The following TNIP3 variants were observed in gnomAD, a reference collection of about 807,000 sequenced individuals.
TNIP3 encodes the protein TNFAIP3-interacting protein 3.
A neutral mutation model predicts 54.1 loss-of-function variants in TNIP3; 34 were observed. The ratio of observed to expected loss-of-function variants is 0.63; its 90% CI spans 0.48 to 0.84. The LOEUF is 0.84. Ranked by LOEUF, TNIP3 falls within the 40% of genes least tolerant of loss-of-function variation. The probability of loss-of-function intolerance (pLI) is 0.00; values close to 1 mark genes in which losing one functional copy is unlikely to be tolerated. For synonymous variants in TNIP3, 134 were observed against 136.8 expected, an observed-to-expected ratio of 0.98 and a Z score of 0.14; for missense variants, 366 against 387.6, an observed-to-expected ratio of 0.94 and a Z score of 0.47.
chr4:121,194,204 T>A (rs1009729792), intron 2 of TNIP3, among the ~76,000 whole-genome samples: 8 of 152,120 alleles, frequency 5.3e-5, no homozygotes, highest in Non-Finnish European at 1.2e-4. Context: ...CTTTTTAAAA[T>A]TTTTTTCTTT....
intron 2 of TNIP3, among the ~76,000 whole-genome samples, chr4:121,191,991 C>A (rs2148833292): frequency 6.6e-6 from 1 of 152,144 alleles, no homozygotes; most frequent in South Asian, 2.1e-4. Context: ...TATTTAAGAG[C>A]TGTCTAAAAA....
chr4:121,187,997 A>T (rs1251056195), intron 2 of TNIP3, among the ~76,000 whole-genome samples: 3 of 152,170 alleles, frequency 2.0e-5, no homozygotes, highest in Non-Finnish European at 4.4e-5. Flanking sequence ...TCTTTGAACC[A>T]AATACTATTA....
chr4:121,161,781 G>T (rs1730469143), intron 1 of TNIP3, among the ~76,000 whole-genome samples: 1 of 152,064 alleles, frequency 6.6e-6, no homozygotes, highest in South Asian at 2.1e-4. Context: ...AAGTCACTAG[G>T]TTACTAGTTT....
chr4:121,200,391 T>A (rs1725817969), intron 2 of TNIP3, among the ~76,000 whole-genome samples: 1 of 152,158 alleles, frequency 6.6e-6, no homozygotes, highest in Admixed American at 6.6e-5. Context: ...TTAGACACAA[T>A]GTCTCAAAAC....
At chr4:121,208,878 A>G (rs574187075) in intron 2 of TNIP3, among the ~76,000 whole-genome samples, 3 of 152,256 alleles carry the variant, frequency 2.0e-5, no homozygotes, top group Middle Eastern at 3.4e-3. Flanking sequence ...ATCCATGGAG[A>G]GCTTCAGGGT....
chr4:121,160,917 C>T (rs186393554), intron 2 of TNIP3, among the ~76,000 whole-genome samples: 15 of 152,156 alleles, frequency 9.9e-5, no homozygotes, highest in Middle Eastern at 6.8e-3. Context: ...ATGACTTTGT[C>T]GTTTTTCATT....
At chr4:121,218,881 G>A (rs937431834), upstream of TNIP3, among the ~76,000 whole-genome samples, 2 of 152,058 alleles carry the variant, frequency 1.3e-5, no homozygotes, top group East Asian at 1.9e-4. Context: ...TAAAATTTCT[G>A]AGAACCAAAA....
chr4:121,195,500 G>T (rs938766216), intron 2 of TNIP3, among the ~76,000 whole-genome samples: 5 of 152,108 alleles, frequency 3.3e-5, no homozygotes, highest in African/African-American at 7.2e-5. Flanking sequence ...CAGGTGAAAT[G>T]TCAAAAACAT....
intron 2 of TNIP3, among the ~76,000 whole-genome samples, chr4:121,195,531 T>C (rs137878574): frequency 3.3e-5 from 5 of 152,356 alleles, no homozygotes; most frequent in South Asian, 2.1e-4. Context: ...TTGTTTATTA[T>C]AACATGTCAA....
At chr4:121,181,556 A>G (rs1464129662) in intron 3 of TNIP3, among the ~76,000 whole-genome samples, 1 of 152,188 alleles carries the variant, frequency 6.6e-6, no homozygotes. Flanking sequence ...TGTTCATGAC[A>G]TGAATGAAAG....
exon 3 of TNIP3, chr4:121,182,793 A>G (rs1055546496): frequency 2.6e-6 from 4 of 1,533,958 alleles, no homozygotes; most frequent in Non-Finnish European, 3.5e-6. Context: ...CCATGCTTTC[A>G]CATCTGCCCA....
rs561874278 is a variant in TNIP3 at position 121,171,838 on chromosome 4, C to T, written c.190-7692G>A. Among the ~76,000 whole-genome samples the T allele has an allele frequency of 1.6e-4, 24 of 152,322 alleles. No individual in the cohort carries two copies. The South Asian group carries it at 2.5e-3, about 16-fold the overall frequency. ...CTCTGCCTCCTGGGTTCAAGCGATCCTCCTGCCTCAGCCTCCCAAGTAGTT... is the reference window on the plus strand; with the variant it reads ...CTCTGCCTCCTGGGTTCAAGCGATCTTCCTGCCTCAGCCTCCCAAGTAGTT... On this transcript the variant is annotated intron_variant, in intron 3 of 12. Coordinates refer to the TNIP3 transcript ENST00000507879.
chr4:121,223,018 G>A (rs1727104000), intron 1 of TNIP3, among the ~76,000 whole-genome samples: 1 of 152,142 alleles, frequency 6.6e-6, no homozygotes. Context: ...TGTTAGCCAG[G>A]ATGGTCTCGA....
chr4:121,187,335 G>T (rs1319944776), intron 2 of TNIP3, among the ~76,000 whole-genome samples: 2 of 152,170 alleles, frequency 1.3e-5, no homozygotes, highest in Admixed American at 6.5e-5. Flanking sequence ...GAGAGTTATG[G>T]CTCCAATGAT....
chr4:121,176,801 A>G (rs112802648), intron 3 of TNIP3, among the ~76,000 whole-genome samples: 3,820 of 152,216 alleles, frequency 0.025, 158 homozygotes, highest in African/African-American at 0.086. Flanking sequence ...GTGAAGTGTC[A>G]TAAGTATATA....
At chr4:121,170,952 A>G (rs562482425) in intron 3 of TNIP3, among the ~76,000 whole-genome samples, 1 of 152,076 alleles carries the variant, frequency 6.6e-6, no homozygotes, top group South Asian at 2.1e-4. Context: ...AGTAGCTGGG[A>G]TTACAGGTAC....
intron 2 of TNIP3, among the ~76,000 whole-genome samples, chr4:121,196,108 G>A (rs1472689033): frequency 6.6e-6 from 1 of 152,178 alleles, no homozygotes; most frequent in Non-Finnish European, 1.5e-5. Flanking sequence ...TCTTAGAGTT[G>A]AGGGAACTGA....
rs1729133234 is a variant in TNIP3 at position 121,141,805 on chromosome 4, C to T, written c.885+11G>A. The stretch of plus-strand genomic sequence containing the variant: ...TATACTAAGCACTTTTTCAAATGCA[C>T]TCTTACTTACTGGGTGCTCCCGTTG... On this transcript the variant is annotated intron_variant, in intron 9 of 10. Transcript: ENST00000057513. 2.6e-6 allele frequency: 4 copies of T among 1,509,732 alleles called. No homozygotes were observed. Among genetic ancestry groups the T allele is most frequent in the Middle Eastern group, 1.8e-4 (1 of 5,650 alleles). The allele number at this position is 1,509,732 out of a possible 1,614,324, so 93.5% of individuals were successfully genotyped here.
At chr4:121,209,619 CT>C (rs1403254919) in intron 2 of TNIP3, among the ~76,000 whole-genome samples, 1 of 152,154 alleles carries the variant, frequency 6.6e-6, no homozygotes, top group Non-Finnish European at 1.5e-5. Flanking sequence ...CCAGATTAGC[CT>C]TGTAAATTCA....
Sources: gnomAD v4.1 joint callset for allele counts (sites outside exome capture counted in the v4.1 genomes callset) on GRCh38, gnomAD v4.1.1 for gene constraint, MANE v1.5 for transcripts, NCBI Gene and HGNC (gene_info 2026-07-23, HGNC 2026-07-21) for gene names.